RGS22: variants seen among roughly 807,000 people sequenced by gnomAD.
RGS22 encodes regulator of G-protein signaling 22.
Under a neutral mutation model 172.9 loss-of-function variants are expected in RGS22, and 148 were observed. The ratio of observed to expected loss-of-function variants is 0.86; its 90% CI spans 0.75 to 0.98. The LOEUF is 0.98. Among genes scored for constraint, RGS22 ranks in the 50% least tolerant of loss-of-function variants. The pLI is 0.00. For missense variants in RGS22, 1,347 were observed against 1,440.8 expected, an observed-to-expected ratio of 0.93 and a Z score of 1.05; for synonymous variants, 458 against 480.2, an observed-to-expected ratio of 0.95 and a Z score of 0.60.
chr8:100,102,393 TG>T (rs914187987), intron 2 of RGS22, among the ~76,000 whole-genome samples: 7 of 152,320 alleles, frequency 4.6e-5, no homozygotes, highest in African/African-American at 1.7e-4. Context: ...GAATGGAGTT[TG>T]GGGAACTACA....
At chr8:100,095,689 A>T (rs145121893) in intron 2 of RGS22, among the ~76,000 whole-genome samples, 2 of 152,210 alleles carry the variant, frequency 1.3e-5, no homozygotes, top group Non-Finnish European at 2.9e-5. Flanking sequence ...CTACAGACTG[A>T]TAAGAGTTCT....
At chr8:100,096,732 C>T (rs191137513) in intron 2 of RGS22, among the ~76,000 whole-genome samples, 2 of 142,668 alleles carry the variant, frequency 1.4e-5, no homozygotes, top group East Asian at 4.1e-4. Context: ...TGGTCTTGAA[C>T]TCCTGGGCTC....
In RGS22 at chr8:100,010,750, T is replaced by G. The variant is rs545759628; in HGVS notation, c.2167-2181A>C. Among the ~76,000 whole-genome samples the G allele has an allele frequency of 3.9e-5, 6 of 152,162 alleles. No homozygotes were observed. The South Asian group carries it at 1.2e-3, about 32-fold the overall frequency. ...TTCCAAATCCCTAGAAAAGACTCAT[T>G]TATGTATTGGACTAGGGAAGGAAAG... On this transcript the variant is annotated intron_variant, in intron 14 of 27. Coordinates refer to ENST00000360863, the MANE Select transcript of RGS22 (RefSeq NM_015668.5).
chr8:100,025,758 T>C (rs1336863374), intron 14 of RGS22, among the ~76,000 whole-genome samples: 1 of 152,184 alleles, frequency 6.6e-6, no homozygotes, highest in Non-Finnish European at 1.5e-5. Flanking sequence ...TGCCATAAAG[T>C]TTTTTCAATG....
chr8:100,070,052 AAC>A (rs1211799487), intron 6 of RGS22, among the ~76,000 whole-genome samples: 5 of 148,950 alleles, frequency 3.4e-5, no homozygotes, highest in African/African-American at 7.3e-5. Flanking sequence ...AAAAAAACAA[AAC>A]AAAACTAGGA....
intron 15 of RGS22, among the ~76,000 whole-genome samples, chr8:100,007,235 G>A (rs1239214274): frequency 2.6e-5 from 4 of 152,140 alleles, no homozygotes; most frequent in Admixed American, 2.6e-4. Flanking sequence ...TGTGAACAAA[G>A]AATAACAATG....
intron 2 of RGS22, among the ~76,000 whole-genome samples, chr8:100,100,828 C>T (rs1275409582): frequency 6.6e-6 from 1 of 152,126 alleles, no homozygotes; most frequent in Non-Finnish European, 1.5e-5. Flanking sequence ...CAAGTAAATA[C>T]TGCTTAAAGC....
At chr8:99,971,211 A>G (rs1347860485) in intron 23 of RGS22, among the ~76,000 whole-genome samples, 1 of 152,252 alleles carries the variant, frequency 6.6e-6, no homozygotes, top group Non-Finnish European at 1.5e-5. Flanking sequence ...TAAACTAGGT[A>G]TTGATGGAAA....
Position 100,002,690 on chromosome 8 carries a change from CAT to C in RGS22, c.2628-328_2628-327del, listed in dbSNP as rs1491143495. Reference sequence around the variant, plus strand: ...AATTTCAAAAATGAGAAAATTTCCACATATGTCATGTCATTCGACAAAAGGTC... The same window carrying C: ...AATTTCAAAAATGAGAAAATTTCCACATGTCATGTCATTCGACAAAAGGTC... On this transcript the variant is annotated intron_variant, in intron 17 of 27. Transcript: ENST00000360863. Among the ~76,000 whole-genome samples the C allele has an allele frequency of 5.3e-5, 8 of 152,196 alleles. No individual in the cohort carries two copies. In the East Asian group the frequency reaches 1.2e-3, roughly 22 times the overall value.
intron 4 of RGS22, 64 bp from the exon 5 acceptor site, chr8:100,072,294 C>T (rs1484967856): frequency 3.1e-6 from 3 of 963,992 alleles, no homozygotes; most frequent in Non-Finnish European, 3.1e-6. Flanking sequence ...ATGATTAACA[C>T]CTAATAGTGA....
chr8:100,048,561 A>G (rs1820966567), intron 10 of RGS22, among the ~76,000 whole-genome samples: 1 of 152,182 alleles, frequency 6.6e-6, no homozygotes, highest in Non-Finnish European at 1.5e-5. Flanking sequence ...AGAACAAACA[A>G]TAAAACCTTA....
intron 23 of RGS22, among the ~76,000 whole-genome samples, chr8:99,974,037 T>C (rs1811659434): frequency 6.6e-6 from 1 of 152,022 alleles, no homozygotes; most frequent in East Asian, 1.9e-4. Context: ...TGTAGCAAAA[T>C]GGGTATTTTC....
rs201668257 is a variant in RGS22, at chr8:100,063,888, A to G, written c.880T>C (p.Tyr294His). The change falls in exon 8 of 28, where the codon TAC (tyrosine) becomes CAC (histidine). Residue 294 changes from tyrosine (Y) to histidine (H), a missense_variant. Transcript: ENST00000360863. ...TCAACATCCTGTTTCTTTTCAAGGT[A>G]TACTCTCAGAAGAGCTTGAGAAGGA... ...DTPSQALLRV[Y>H]LEKKQDVDES... The G allele has an allele frequency of 2.4e-4, 388 of 1,611,150 alleles. No homozygotes were observed. The highest frequency in any genetic ancestry group is 3.2e-4 in the Non-Finnish European group (375 of 1,178,760).
chr8:100,037,779 A>C (rs1819655808), intron 14 of RGS22, among the ~76,000 whole-genome samples: 1 of 152,220 alleles, frequency 6.6e-6, no homozygotes, highest in Admixed American at 6.5e-5. Context: ...AAAAGGTTAT[A>C]GAGAATTACA....
intron 20 of RGS22, among the ~76,000 whole-genome samples, chr8:99,995,544 A>G (rs184837219): frequency 1.2e-4 from 18 of 152,350 alleles, no homozygotes; most frequent in African/African-American, 4.3e-4. Flanking sequence ...AGAAATGCAA[A>G]TCAAAACCAC....
chr8:100,034,198 T>C (rs1819179511), intron 14 of RGS22, among the ~76,000 whole-genome samples: 1 of 152,178 alleles, frequency 6.6e-6, no homozygotes, highest in Non-Finnish European at 1.5e-5. Flanking sequence ...GATGACATGA[T>C]TGTATATTTA....
chr8:100,101,961 T>G (rs150859806), intron 2 of RGS22, among the ~76,000 whole-genome samples: 1 of 152,172 alleles, frequency 6.6e-6, no homozygotes, highest in Non-Finnish European at 1.5e-5. Flanking sequence ...TCATAAGGCA[T>G]TGTGGCTTCC....
At position 99,962,847 on chromosome 8, in the gene RGS22, A is replaced by G. The variant is rs1216838933; in HGVS notation, c.3709+38T>C. The G allele has an allele frequency of 4.4e-6, 7 of 1,579,762 alleles. No homozygotes were observed. The African/African-American group carries it at 9.6e-5, about 22-fold the overall frequency. Reference sequence around the variant, plus strand: ...TTCTAAAATTAATCTGTGATAAAAGATAAAAAAGTAAACTTGTAGGCAGAA... The same window carrying G: ...TTCTAAAATTAATCTGTGATAAAAGGTAAAAAAGTAAACTTGTAGGCAGAA... On this transcript the variant is annotated intron_variant, in intron 25 of 27. Coordinates refer to ENST00000360863, the MANE Select transcript of RGS22 (RefSeq NM_015668.5).
chr8:100,070,915 T>A (rs1586200607), intron 6 of RGS22, among the ~76,000 whole-genome samples: 1 of 151,122 alleles, frequency 6.6e-6, no homozygotes, highest in Non-Finnish European at 1.5e-5. Context: ...CATAAATCTA[T>A]AAGAAGTATT....
Sources: allele counts gnomAD v4.1 joint callset (sites outside exome capture counted in the v4.1 genomes callset), GRCh38; gene constraint gnomAD v4.1.1; transcripts MANE v1.5; gene names NCBI Gene and HGNC (gene_info 2026-07-23, HGNC 2026-07-21).